Variants in RABGEF1 observed in about 807,000 individuals in gnomAD.
RABGEF1 encodes rab5 GDP/GTP exchange factor.
A neutral mutation model predicts 57.3 loss-of-function variants in RABGEF1; 26 were observed. That is an observed-to-expected ratio of 0.45 (90% confidence interval 0.33 to 0.63). The LOEUF is 0.63. Among genes scored for constraint, RABGEF1 ranks in the 20% least tolerant of loss-of-function variants. The pLI is 0.02. For synonymous variants in RABGEF1, 185 were observed against 210.7 expected (o/e 0.88, Z 1.06); for missense variants, 464 against 607.6 (o/e 0.76, Z 2.48).
At position 66,795,568 on chromosome 7, in the gene RABGEF1, G is replaced by T; in HGVS notation, c.571G>T (p.Glu191Ter). The T allele has an allele frequency of 6.2e-7, 1 of 1,610,852 alleles. No individual in the cohort carries two copies. Among genetic ancestry groups the T allele is most frequent in the Non-Finnish European group, 8.5e-7 (1 of 1,177,026 alleles). ...CAQDFYHNVAERMQTRGKVPP... is the reference protein window; with the variant it reads ...CAQDFYHNVA Reference sequence around the variant, plus strand: ...TCAGGATTTCTACCACAATGTGGCCGAAAGGATGCAAACTCGTGGGAAAGG... The same window carrying T: ...TCAGGATTTCTACCACAATGTGGCCTAAAGGATGCAAACTCGTGGGAAAGG... The change falls in exon 5 of 9, where the codon GAA becomes TAA. Residue 191 changes from glutamate to a stop codon, truncating the protein, a stop_gained. Coordinates refer to ENST00000284957, the MANE Select transcript of RABGEF1 (RefSeq NM_014504.3). LOFTEE classifies it high-confidence loss of function.
intron 4 of RABGEF1, among the ~76,000 whole-genome samples, chr7:66,787,858 C>G (rs906492771): frequency 2.0e-5 from 3 of 152,182 alleles, no homozygotes; most frequent in Non-Finnish European, 4.4e-5. Flanking sequence ...TATTACCTAA[C>G]TGAATGAGAT....
chr7:66,704,253 T>C (rs76532837), intron 1 of RABGEF1, among the ~76,000 whole-genome samples: 2,474 of 152,276 alleles, frequency 0.016, 64 homozygotes, highest in East Asian at 0.093. Flanking sequence ...AACCAAAATT[T>C]AACAGGTTAT....
the RABGEF1 span, among the ~76,000 whole-genome samples, chr7:66,660,633 A>T: frequency 6.6e-6 from 1 of 152,132 alleles, no homozygotes; most frequent in Non-Finnish European, 1.5e-5. Flanking sequence ...GACTTCTCAA[A>T]AAAATAGAAA....
At chr7:66,666,910 C>G in the RABGEF1 span, among the ~76,000 whole-genome samples, 1 of 152,202 alleles carries the variant, frequency 6.6e-6, no homozygotes. Context: ...GACACAGCCT[C>G]TCCACCACAG....
upstream of RABGEF1, among the ~76,000 whole-genome samples, chr7:66,680,926 C>T (rs772266849): frequency 2.0e-5 from 3 of 151,954 alleles, no homozygotes; most frequent in South Asian, 2.1e-4. Flanking sequence ...ACTAAAAATA[C>T]GAAAAAATTA....
chr7:66,781,665 G>A (rs1179077523), intron 3 of RABGEF1, among the ~76,000 whole-genome samples: 2 of 152,244 alleles, frequency 1.3e-5, no homozygotes, highest in Admixed American at 6.5e-5. Flanking sequence ...ACACATGTGC[G>A]GTAGTCAGCC....
chr7:66,707,371 G>T (rs562360614), intron 1 of RABGEF1, among the ~76,000 whole-genome samples: 4 of 151,710 alleles, frequency 2.6e-5, no homozygotes, highest in Non-Finnish European at 1.5e-5. Flanking sequence ...TTTTTTTTCT[G>T]ATCTGATATC....
intron 1 of RABGEF1, among the ~76,000 whole-genome samples, chr7:66,685,427 G>A (rs1790471276): frequency 6.6e-6 from 1 of 152,058 alleles, no homozygotes; most frequent in African/African-American, 2.4e-5. Flanking sequence ...GGCCAAGGTG[G>A]GAGAATCACT....
intron 1 of RABGEF1, among the ~76,000 whole-genome samples, chr7:66,753,426 C>T (rs1585161096): frequency 6.6e-6 from 1 of 152,088 alleles, no homozygotes; most frequent in East Asian, 1.9e-4. Context: ...GTATATTTTT[C>T]CCCCAGGGCT....
upstream of RABGEF1, among the ~76,000 whole-genome samples, chr7:66,680,850 G>A (rs1241436885): frequency 6.6e-6 from 1 of 152,146 alleles, no homozygotes; most frequent in East Asian, 1.9e-4. Flanking sequence ...GGAAGGCCAA[G>A]GCGGGCGGAT....
chr7:66,782,779 TC>T (rs779271516), intron 3 of RABGEF1, among the ~76,000 whole-genome samples: 32 of 151,496 alleles, frequency 2.1e-4, no homozygotes, highest in East Asian at 1.2e-3. Flanking sequence ...GAGCAAGACT[TC>T]GTCTCAAAAA....
At chr7:66,777,303 G>A (rs1365351572) in intron 3 of RABGEF1, among the ~76,000 whole-genome samples, 1 of 152,094 alleles carries the variant, frequency 6.6e-6, no homozygotes, top group African/African-American at 2.4e-5. Flanking sequence ...CAGTGTGAAA[G>A]TCCATAAAGG....
intron 4 of RABGEF1, among the ~76,000 whole-genome samples, chr7:66,789,180 G>C (rs532918090): frequency 6.6e-6 from 1 of 152,086 alleles, no homozygotes; most frequent in Non-Finnish European, 1.5e-5. Context: ...GCCCTGCCAC[G>C]TAATTTACTG....
chr7:66,793,932 T>C (rs1438019124), intron 4 of RABGEF1, among the ~76,000 whole-genome samples: 1 of 152,220 alleles, frequency 6.6e-6, no homozygotes, highest in Non-Finnish European at 1.5e-5. Flanking sequence ...TGGGGGTTTG[T>C]TCTCGGCCTT....
At chr7:66,759,455 G>C (rs1465092230) in intron 1 of RABGEF1, among the ~76,000 whole-genome samples, 2 of 152,164 alleles carry the variant, frequency 1.3e-5, no homozygotes, top group East Asian at 3.8e-4. Flanking sequence ...TCAGAATCCA[G>C]GGCTTTTACT....
intron 1 of RABGEF1, among the ~76,000 whole-genome samples, chr7:66,707,335 G>A (rs1794246843): frequency 6.6e-6 from 1 of 152,054 alleles, no homozygotes; most frequent in African/African-American, 2.4e-5. Flanking sequence ...ATAGATGTTC[G>A]TTAGGTCTGG....
chr7:66,798,097 A>G (rs1225323682), intron 6 of RABGEF1, among the ~76,000 whole-genome samples: 1 of 152,188 alleles, frequency 6.6e-6, no homozygotes, highest in African/African-American at 2.4e-5. Flanking sequence ...AGCCTGGGCA[A>G]CAGAGCAAGA....
At chr7:66,680,477 C>A, upstream of RABGEF1, among the ~76,000 whole-genome samples, 1 of 151,604 alleles carries the variant, frequency 6.6e-6, no homozygotes, top group East Asian at 1.9e-4. Context: ...CTACTGACCT[C>A]AGGTGATCCG....
At chr7:66,742,931 C>G (rs1210466286) in intron 1 of RABGEF1, among the ~76,000 whole-genome samples, 1 of 152,142 alleles carries the variant, frequency 6.6e-6, no homozygotes, top group Non-Finnish European at 1.5e-5. Flanking sequence ...TGAAAAAGTG[C>G]AGGACAGAGA....
Sources: allele counts gnomAD v4.1 joint callset (sites outside exome capture counted in the v4.1 genomes callset), GRCh38; gene constraint gnomAD v4.1.1; transcripts MANE v1.5; gene names NCBI Gene and HGNC (gene_info 2026-07-23, HGNC 2026-07-21).